The following SGPL1 variants were observed in gnomAD, a reference collection of about 807,000 sequenced individuals.
SGPL1 encodes sphingosine-1-phosphate lyase 1.
SGPL1 carries 37 observed loss-of-function variants against 68.9 expected under a neutral mutation model. The ratio of observed to expected loss-of-function variants is 0.54; its 90% confidence interval spans 0.41 to 0.71. SGPL1 has a LOEUF of 0.71. Among genes scored for constraint, SGPL1 ranks in the 30% least tolerant of loss-of-function variants. The probability of loss-of-function intolerance (pLI) is 0.00; values close to 1 mark genes in which losing one functional copy is unlikely to be tolerated. For missense variants in SGPL1, 551 were observed against 704.6 expected (o/e 0.78, Z 2.47); for synonymous variants, 236 against 248.5 (o/e 0.95, Z 0.47).
chr10:70,828,825 GT>G (rs1845482956), intron 2 of SGPL1, among the ~76,000 whole-genome samples: 3 of 152,050 alleles, frequency 2.0e-5, no homozygotes, highest in Non-Finnish European at 1.5e-5. Context: ...TTTTGAATTC[GT>G]TTTGACAGAT....
chr10:70,822,143 C>T (rs1018565793), intron 2 of SGPL1, among the ~76,000 whole-genome samples: 1 of 152,094 alleles, frequency 6.6e-6, no homozygotes, highest in Admixed American at 6.5e-5. Flanking sequence ...GAGCTCTGTT[C>T]TATTATTTGA....
intron 6 of SGPL1, among the ~76,000 whole-genome samples, chr10:70,858,023 ACT>A (rs1425624324): frequency 6.6e-6 from 1 of 151,834 alleles, no homozygotes; most frequent in Non-Finnish European, 1.5e-5. Context: ...AGATAGGGAA[ACT>A]CTTTCATAAT....
At chr10:70,869,184 T>G (rs974047478) in intron 8 of SGPL1, 3 of 152,272 alleles carry the variant, frequency 2.0e-5, no homozygotes, top group South Asian at 2.1e-4. Context: ...GGGAACAGAT[T>G]CGTTGTATGA....
At chr10:70,857,194 A>G (rs1172162597) in intron 5 of SGPL1, 2 of 196,016 alleles carry the variant, frequency 1.0e-5, no homozygotes, top group Non-Finnish European at 1.0e-5. Context: ...AACTCTGCTC[A>G]TAATAGTTCT....
At chr10:70,873,727 T>C (rs976782933) in intron 12 of SGPL1, 138 bp downstream of exon 12, 11 of 707,592 alleles carry the variant, frequency 1.6e-5, no homozygotes, top group Non-Finnish European at 2.5e-5. Flanking sequence ...GGGCAGCAGC[T>C]TAGGGCTTAG....
intron 7 of SGPL1, among the ~76,000 whole-genome samples, chr10:70,862,552 A>G (rs1394232856): frequency 3.3e-5 from 5 of 152,086 alleles, no homozygotes; most frequent in African/African-American, 1.2e-4. Context: ...TCTTTGCAAT[A>G]AATCTTGCTA....
Position 70,816,899 on chromosome 10 carries a change from T to G in SGPL1, c.27+19T>G. 1 of 1,613,218 alleles carries G rather than the reference T, an allele frequency of 6.2e-7. No individual in the cohort carries two copies. Among genetic ancestry groups the G allele is most frequent in the Non-Finnish European group, 8.5e-7 (1 of 1,179,118 alleles). On this transcript the variant is annotated intron_variant, in intron 2 of 14. Coordinates refer to ENST00000373202, the MANE Select transcript of SGPL1 (RefSeq NM_003901.4). Reference sequence around the variant, plus strand: ...GATGTTGGTGAGCCTTTTGCAGACATCCTCCTGGTTCCAAGGCATTTGTCT... The same window carrying G: ...GATGTTGGTGAGCCTTTTGCAGACAGCCTCCTGGTTCCAAGGCATTTGTCT...
intron 14 of SGPL1, 145 bp downstream of exon 14, chr10:70,876,806 T>G: frequency 1.3e-6 from 1 of 748,062 alleles, no homozygotes; most frequent in Non-Finnish European, 2.2e-6. Flanking sequence ...GCTGATGATC[T>G]CTGCATCACC....
chr10:70,824,456 G>T (rs1373494161), intron 2 of SGPL1, among the ~76,000 whole-genome samples: 1 of 152,132 alleles, frequency 6.6e-6, no homozygotes, highest in Non-Finnish European at 1.5e-5. Flanking sequence ...CATTGAAAAT[G>T]GACTATTTGT....
Position 70,851,226 on chromosome 10 carries a change from G to A in SGPL1, c.261+16G>A. 1.9e-6 allele frequency: 3 copies of A among 1,594,888 alleles called. No homozygotes were observed. The highest frequency in any genetic ancestry group is 1.1e-5 in the South Asian group (1 of 90,632). On this transcript the variant is annotated intron_variant, in intron 4 of 14. Coordinates refer to ENST00000373202, the MANE Select transcript of SGPL1 (RefSeq NM_003901.4). ...TGGTCGTAAGGTAAGTAGAATCTGT[G>A]TATGTCATTTTTTCCCCTCTTGATA...
At chr10:70,863,610 G>A (rs1846124183) in intron 7 of SGPL1, among the ~76,000 whole-genome samples, 1 of 151,970 alleles carries the variant, frequency 6.6e-6, no homozygotes, top group African/African-American at 2.4e-5. Flanking sequence ...ACCTTTTTGA[G>A]TTGCTGGGGA....
At chr10:70,844,990 G>T (rs1373898180) in intron 3 of SGPL1, among the ~76,000 whole-genome samples, 2 of 152,178 alleles carry the variant, frequency 1.3e-5, no homozygotes, top group South Asian at 4.2e-4. Flanking sequence ...CACCCACCTC[G>T]GCCTCCCAAA....
intron 2 of SGPL1, among the ~76,000 whole-genome samples, chr10:70,827,261 A>T (rs967114842): frequency 3.0e-4 from 46 of 152,234 alleles, no homozygotes; most frequent in Non-Finnish European, 5.9e-5. Context: ...ATTTCCTGAT[A>T]ACTGATGTGG....
chr10:70,875,641 T>C, intron 13 of SGPL1, 93 bp downstream of exon 13: 1 of 962,538 alleles, frequency 1.0e-6, no homozygotes, highest in Non-Finnish European at 1.6e-6. Context: ...GTTTGACTGC[T>C]AGAGGCTAGC....
rs576812016 is a variant in SGPL1 at position 70,855,863 on chromosome 10, A to G, written c.409+1008A>G. Among the ~76,000 whole-genome samples, 3 of 152,314 alleles carry G rather than the reference A, an allele frequency of 2.0e-5. No individual in the cohort carries two copies. In the South Asian group the frequency reaches 6.2e-4, roughly 32 times the overall value. On this transcript the variant is annotated intron_variant, in intron 5 of 14. Transcript: ENST00000373202. ...AAAAAATTAACATTGGTACAGTGCT[A>G]TTAACTACACTACAAATTCTATTTC...
chr10:70,876,303 A>G (rs1038360438), intron 13 of SGPL1, among the ~76,000 whole-genome samples: 1 of 152,090 alleles, frequency 6.6e-6, no homozygotes, highest in Non-Finnish European at 1.5e-5. Context: ...AGCAGCCAAC[A>G]CTGTTCATCC....
intron 7 of SGPL1, chr10:70,860,478 T>C (rs1037684782): frequency 1.8e-5 from 8 of 455,778 alleles, no homozygotes; most frequent in African/African-American, 1.4e-4. Context: ...AAAGGTGATA[T>C]GCCTGGCATT....
intron 2 of SGPL1, 54 bp from the exon 3 acceptor site, chr10:70,844,419 G>A: frequency 6.6e-7 from 1 of 1,524,724 alleles, no homozygotes; most frequent in Non-Finnish European, 9.0e-7. Context: ...ACTAAGAACA[G>A]ACTTCTTTTC....
chr10:70,870,043 T>A (rs1846264289), intron 9 of SGPL1, 146 bp downstream of exon 9: 1 of 576,684 alleles, frequency 1.7e-6, no homozygotes, highest in Non-Finnish European at 3.1e-6. Flanking sequence ...ATAGTGGTGA[T>A]TGACTGCAGC....
Sources: allele counts gnomAD v4.1 joint callset (sites outside exome capture counted in the v4.1 genomes callset), GRCh38; gene constraint gnomAD v4.1.1; transcripts MANE v1.5; gene names NCBI Gene and HGNC (gene_info 2026-07-23, HGNC 2026-07-21).